The following STAG1 variants were observed in gnomAD, a reference collection of about 807,000 sequenced individuals.
STAG1 encodes cohesin subunit SA-1.
STAG1 carries 26 observed loss-of-function variants against 170.9 expected under a neutral mutation model. That is an observed-to-expected ratio of 0.15 (90% CI 0.11 to 0.21). The LOEUF is 0.21. Ranked by LOEUF, STAG1 falls within the 10% of genes least tolerant of loss-of-function variation. The pLI is 1.00. For synonymous variants in STAG1, 514 were observed against 497.7 expected, an observed-to-expected ratio of 1.03 and a Z score of -0.44; for missense variants, 964 against 1,509.5, an observed-to-expected ratio of 0.64 and a Z score of 5.99.
chr3:136,541,729 T>C (rs1342133863), intron 6 of STAG1, among the ~76,000 whole-genome samples: 1 of 152,194 alleles, frequency 6.6e-6, no homozygotes, highest in South Asian at 2.1e-4. Context: ...AGGTATAATA[T>C]GTGGTCCTGC....
intron 1 of STAG1, among the ~76,000 whole-genome samples, chr3:136,702,897 G>A (rs950997894): frequency 1.7e-4 from 26 of 151,592 alleles, no homozygotes; most frequent in African/African-American, 5.1e-4. Flanking sequence ...GTGAAACCCC[G>A]TCTCTACTAA....
At chr3:136,496,960 G>C (rs1462738135) in intron 9 of STAG1, among the ~76,000 whole-genome samples, 1 of 151,880 alleles carries the variant, frequency 6.6e-6, no homozygotes, top group African/African-American at 2.4e-5. Context: ...CCAATATTAT[G>C]ACCAACTTTA....
chr3:136,449,479 G>C (rs933474891), intron 14 of STAG1, among the ~76,000 whole-genome samples: 1 of 151,562 alleles, frequency 6.6e-6, no homozygotes, highest in Non-Finnish European at 1.5e-5. Flanking sequence ...AGAATTGCTT[G>C]AATCTGGGAG....
chr3:136,527,769 G>A (rs1376783925), intron 6 of STAG1, among the ~76,000 whole-genome samples: 1 of 152,144 alleles, frequency 6.6e-6, no homozygotes, highest in African/African-American at 2.4e-5. Flanking sequence ...TTTTGGTGTG[G>A]ATGTCCTTTC....
chr3:136,694,727 G>A lies in STAG1; in HGVS notation c.-84+57468C>T, dbSNP rs368165421. Among the ~76,000 whole-genome samples, 188 of 152,246 alleles carry A rather than the reference G, an allele frequency of 1.2e-3. 3 individuals carry two copies. The South Asian group carries it at 0.028, about 23-fold the overall frequency. On this transcript the variant is annotated intron_variant, in intron 1 of 33. Coordinates refer to ENST00000383202, the MANE Select transcript of STAG1 (RefSeq NM_005862.3). The stretch of plus-strand genomic sequence containing the variant: ...TAACCTACGAAATTCCTTGGTTTGA[G>A]CACAGAGTTCAGCTTTAGCTCAAGG...
At chr3:136,398,958 T>G (rs2087244165) in intron 21 of STAG1, 129 bp from the exon 22 acceptor site, 1 of 433,650 alleles carries the variant, frequency 2.3e-6, no homozygotes, top group Non-Finnish European at 4.0e-6. Context: ...CAAATTTTTG[T>G]ATAATTAATG....
chr3:136,451,127 C>A (rs2088926455), intron 14 of STAG1, among the ~76,000 whole-genome samples: 1 of 151,500 alleles, frequency 6.6e-6, no homozygotes, highest in African/African-American at 2.4e-5. Flanking sequence ...TACTGTTTCT[C>A]CAATGACACG....
intron 1 of STAG1, among the ~76,000 whole-genome samples, chr3:136,722,593 A>C (rs780459426): frequency 2.6e-4 from 40 of 151,612 alleles, no homozygotes; most frequent in Non-Finnish European, 5.2e-4. Flanking sequence ...GGGTTCAATT[A>C]AGATTGGAGA....
At chr3:136,495,270 C>T (rs1317800300) in intron 9 of STAG1, among the ~76,000 whole-genome samples, 2 of 152,068 alleles carry the variant, frequency 1.3e-5, no homozygotes, top group African/African-American at 2.4e-5. Flanking sequence ...CCTTATATCA[C>T]GTCATCTACA....
chr3:136,568,948 T>C (rs903711433), intron 4 of STAG1, 87 bp from the exon 5 acceptor site: 1 of 922,818 alleles, frequency 1.1e-6, no homozygotes, highest in Admixed American at 2.4e-5. Context: ...TGTGTTTGTG[T>C]GTGTTTCTAT....
chr3:136,729,877 CTTTTTTTTTTTTT>C (rs36212432), intron 1 of STAG1, among the ~76,000 whole-genome samples: 6 of 58,512 alleles, frequency 1.0e-4, no homozygotes, highest in Admixed American at 7.1e-4. Context: ...CCACGCCAGG[CTTTTTTTTTTTTT>C]TTTTTTTTTT....
rs1175721176 is a variant in STAG1, at chr3:136,337,572, A to ATAAAT, written c.*677_*681dup. ...GACATTTCTTATTTTATGCCCACTT[A>ATAAAT]TAAATAAAAATAAACCTTTTATTCA... On this transcript the variant is annotated 3_prime_UTR_variant, in exon 34 of 34. Transcript: ENST00000383202. 3 of 152,786 alleles carry ATAAAT rather than the reference A, an allele frequency of 2.0e-5. No individual in the cohort carries two copies. Among genetic ancestry groups the ATAAAT allele is most frequent in the East Asian group, 1.9e-4 (1 of 5,188 alleles). 9.5% of individuals were successfully genotyped at this position (152,786 alleles called of 1,614,324 possible).
intron 4 of STAG1, among the ~76,000 whole-genome samples, chr3:136,573,162 A>G (rs1224987369): frequency 6.6e-6 from 1 of 151,726 alleles, no homozygotes; most frequent in Admixed American, 6.6e-5. Context: ...TGGGTGACAG[A>G]GCAAGACCTT....
intron 12 of STAG1, among the ~76,000 whole-genome samples, chr3:136,468,835 C>T (rs2089545001): frequency 6.6e-6 from 1 of 151,942 alleles, no homozygotes; most frequent in African/African-American, 2.4e-5. Context: ...GTTCAATATA[C>T]ACAAATCAAT....
rs1576527807 is a variant in STAG1 at position 136,493,132 on chromosome 3, A to G, written c.902+7091T>C. On this transcript the variant is annotated intron_variant, in intron 9 of 33. Coordinates refer to ENST00000383202, the MANE Select transcript of STAG1 (RefSeq NM_005862.3). ...TGAGGGTGGTAAATGGCTTGAGCCC[A>G]GGAATTTGAGACCAGCCTGGGCAAC... 1.3e-5 allele frequency among the ~76,000 whole-genome samples: 2 copies of G among 152,172 alleles called. 1 individual carries two copies. The highest frequency in any genetic ancestry group is 4.1e-4 in the South Asian group (2 of 4,832).
chr3:136,458,478 C>A (rs1211430184), intron 13 of STAG1, among the ~76,000 whole-genome samples: 1 of 152,072 alleles, frequency 6.6e-6, no homozygotes, highest in East Asian at 1.9e-4. Context: ...GTTTTAACTA[C>A]AAGATATTTT....
chr3:136,487,544 G>A (rs1201942912), intron 9 of STAG1, among the ~76,000 whole-genome samples: 4 of 152,166 alleles, frequency 2.6e-5, no homozygotes, highest in Non-Finnish European at 5.9e-5. Context: ...TGTGGGGCCA[G>A]AGAGCCTATT....
chr3:136,439,784 G>T (rs1175271751), intron 15 of STAG1, among the ~76,000 whole-genome samples: 2 of 152,178 alleles, frequency 1.3e-5, no homozygotes, highest in Non-Finnish European at 2.9e-5. Context: ...TTCTGCAACT[G>T]TTATGCCTAA....
intron 1 of STAG1, among the ~76,000 whole-genome samples, chr3:136,699,215 T>C (rs1198424979): frequency 6.6e-6 from 1 of 152,148 alleles, no homozygotes; most frequent in Non-Finnish European, 1.5e-5. Flanking sequence ...CCAAAACTAT[T>C]GAAATAAAAA....
Sources: gnomAD v4.1 joint callset for allele counts (sites outside exome capture counted in the v4.1 genomes callset) on GRCh38, gnomAD v4.1.1 for gene constraint, MANE v1.5 for transcripts, NCBI Gene and HGNC (gene_info 2026-07-23, HGNC 2026-07-21) for gene names.